The following ZNF311 variants were observed in gnomAD, a reference collection of about 807,000 sequenced individuals.
The protein encoded by ZNF311 is zinc finger protein 311.
ZNF311 carries 14 observed loss-of-function variants against 22.7 expected under a neutral mutation model. The observed-to-expected ratio is 0.62, with a 90% confidence interval of 0.41 to 0.96. The LOEUF (loss-of-function observed/expected upper bound fraction) is 0.96. Among genes scored for constraint, ZNF311 ranks in the 40% least tolerant of loss-of-function variants. ZNF311 has a pLI of 0.00. For missense variants in ZNF311, 731 were observed against 799.0 expected, an observed-to-expected ratio of 0.91 and a Z score of 1.03; for synonymous variants, 250 against 275.3, an observed-to-expected ratio of 0.91 and a Z score of 0.91.
chr6:29,003,454 G>T (rs1581702117), intron 3 of ZNF311, 59 bp downstream of exon 3: 1 of 1,533,830 alleles, frequency 6.5e-7, no homozygotes, highest in Non-Finnish European at 9.0e-7. Context: ...CACCCACTCT[G>T]TGTCCTTACT....
chr6:29,003,436 G>C, intron 3 of ZNF311, 77 bp downstream of exon 3: 1 of 1,389,980 alleles, frequency 7.2e-7, no homozygotes. Context: ...CCCCAGTGTG[G>C]CATTTTCCAC....
rs150967731 is a variant in ZNF311 at position 28,995,953 on chromosome 6, T to C, written c.1049A>G (p.Gln350Arg). Residue 350 changes from glutamine (Q) to arginine (R), a missense_variant, in exon 7 of 7, where the codon CAG becomes CGG. Gln to Arg is a conservative substitution (Grantham distance 43). Coordinates refer to ENST00000377179, the MANE Select transcript of ZNF311 (RefSeq NM_001382360.1). This position sits in a 1 kb window ranked among gnomAD's most constrained non-coding sequence, Gnocchi z 4.7. ...AGGCTTCTCCCCGGTGTGGATAAGC[T>C]GATGCATACAGAGACGGTTCCTGGT... ...FKTRNRLCMH[Q>R]LIHTGEKPYK... 1.2e-4 allele frequency: 191 copies of C among 1,613,774 alleles called. 1 individual carries two copies. The African/African-American group carries it at 2.2e-3, about 19-fold the overall frequency.
Position 29,005,068 on chromosome 6 carries a change from A to G in ZNF311, c.-321T>C, listed in dbSNP as rs1465448837. The G allele has an allele frequency of 6.6e-6, 1 of 152,112 alleles. No individual in the cohort carries two copies. The highest frequency in any genetic ancestry group is 1.5e-5 in the Non-Finnish European group (1 of 68,028). 9.4% of individuals were successfully genotyped at this position (152,112 alleles called of 1,614,324 possible). A position where few individuals can be genotyped will look rare whatever the true frequency, so the allele number is the denominator to read the frequency against. ...ACTTTATAATTTTCCAGTATGGTGC[A>G]TAAGTTACTTATTAATATATACATT... On this transcript the variant is annotated 5_prime_UTR_variant, in exon 1 of 7. An upstream start codon of the reference 5' UTR is lost. Coordinates refer to ENST00000377179, the MANE Select transcript of ZNF311 (RefSeq NM_001382360.1).
At chr6:29,003,693 C>T in intron 2 of ZNF311, 99 bp from the exon 3 acceptor site, 1 of 1,470,484 alleles carries the variant, frequency 6.8e-7, no homozygotes, top group Non-Finnish European at 9.5e-7. Flanking sequence ...CAGAAACTGT[C>T]TCCCAGAAAT....
At chr6:29,001,866 A>G (rs1032362786) in intron 3 of ZNF311, among the ~76,000 whole-genome samples, 4 of 152,232 alleles carry the variant, frequency 2.6e-5, no homozygotes, top group Admixed American at 2.6e-4. Context: ...ACAGTTTAAC[A>G]TGTATATCAT....
chr6:28,998,837 T>A lies in ZNF311; in HGVS notation c.312A>T (p.Gly104=), dbSNP rs756279021. ...TTAAAGGAGGTTTAGGAAATGGAAATCCTGGTTGCAGAGAAGAAATAAGTG... is the reference window on the plus strand; with the variant it reads ...TTAAAGGAGGTTTAGGAAATGGAAAACCTGGTTGCAGAGAAGAAATAAGTG... ...LENYGNMVSL[G]FPFPKPPLIS... Residue 104 remains glycine (G), a splice_region_variant and synonymous_variant, in exon 6 of 7, where the codon GGA becomes GGT. Transcript: ENST00000377179. The A allele has an allele frequency of 6.2e-7, 1 of 1,611,296 alleles. No individual in the cohort carries two copies. Among genetic ancestry groups the A allele is most frequent in the South Asian group, 1.1e-5 (1 of 91,006 alleles).
intron 3 of ZNF311, among the ~76,000 whole-genome samples, chr6:29,001,663 A>G (rs9257454): frequency 0.098 from 14,864 of 152,296 alleles, 786 homozygotes; most frequent in South Asian, 0.15. Context: ...ATTTTCAAGT[A>G]TATAGAAAAG....
intron 5 of ZNF311, 71 bp from the exon 6 acceptor site, chr6:28,998,909 C>T (rs903244142): frequency 2.9e-6 from 3 of 1,031,326 alleles, no homozygotes; most frequent in African/African-American, 3.2e-5. Flanking sequence ...GCTAAGCAGC[C>T]CTGATCCTTC....
At chr6:29,003,691 G>C (rs1180672398) in intron 2 of ZNF311, 97 bp from the exon 3 acceptor site, 1 of 1,472,144 alleles carries the variant, frequency 6.8e-7, no homozygotes. Flanking sequence ...CACAGAAACT[G>C]TCTCCCAGAA....
At chr6:29,005,505 G>T (rs1487738287), upstream of ZNF311, among the ~76,000 whole-genome samples, 2 of 151,996 alleles carry the variant, frequency 1.3e-5, no homozygotes, top group Non-Finnish European at 2.9e-5. Flanking sequence ...GGGGGCGACG[G>T]CGGCACCGGA....
Position 28,999,629 on chromosome 6 carries a change from C to T in ZNF311, c.184-16G>A. 1 of 1,604,950 alleles carries T rather than the reference C, an allele frequency of 6.2e-7. No homozygotes were observed. The highest frequency in any genetic ancestry group is 8.5e-7 in the Non-Finnish European group (1 of 1,177,688). ...TCACTGACTCCTGAAATAATATGCT[C>T]CTGCTATCCTGGAGAAAACGCCATA... is the stretch of plus-strand genomic sequence containing the variant. On this transcript the variant is annotated splice_polypyrimidine_tract_variant and intron_variant, in intron 4 of 6. Transcript: ENST00000377179.
At chr6:28,999,848 G>C in intron 4 of ZNF311, 108 bp downstream of exon 4, 1 of 1,303,698 alleles carries the variant, frequency 7.7e-7, no homozygotes, top group South Asian at 1.3e-5. Context: ...TTATGAGAGG[G>C]AGAACATTGA....
At chr6:29,000,302 G>A (rs1198220152) in intron 3 of ZNF311, among the ~76,000 whole-genome samples, 1 of 152,104 alleles carries the variant, frequency 6.6e-6, no homozygotes, top group East Asian at 1.9e-4. Context: ...GTTTTCCTGT[G>A]GTCTTTGTCC....
chr6:29,000,140 TGCAGC>T (rs1285300213), intron 3 of ZNF311, 93 bp from the exon 4 acceptor site: 8 of 1,205,274 alleles, frequency 6.6e-6, no homozygotes, highest in Non-Finnish European at 1.2e-6. Flanking sequence ...TAGAAGCTTC[TGCAGC>T]TCTAACCTAG....
intron 3 of ZNF311, 152 bp from the exon 4 acceptor site, chr6:29,000,199 T>C: frequency 1.4e-6 from 1 of 717,452 alleles, no homozygotes; most frequent in South Asian, 2.1e-5. Flanking sequence ...CTTCATTATT[T>C]TTCTAGTCTC....
upstream of ZNF311, chr6:29,005,342 C>T (rs912288573): frequency 6.7e-6 from 1 of 148,966 alleles, no homozygotes; most frequent in African/African-American, 2.5e-5. Context: ...AAATGGGTCA[C>T]GAGCCCCTGG....
chr6:29,004,442 C>CTTTTTTTTTT (rs9280531), intron 1 of ZNF311, among the ~76,000 whole-genome samples: 1,937 of 29,986 alleles, frequency 0.065, 162 homozygotes, highest in Non-Finnish European at 0.083. Flanking sequence ...TTCCTCCTTT[C>CTTTTTTTTTT]TTTTTTTTTT....
intron 1 of ZNF311, among the ~76,000 whole-genome samples, chr6:29,004,804 A>T (rs1278358146): frequency 6.6e-6 from 1 of 151,954 alleles, no homozygotes; most frequent in Non-Finnish European, 1.5e-5. Flanking sequence ...CCACTCCCTC[A>T]ATCTTCAGCC....
At position 29,004,041 on chromosome 6, in the gene ZNF311, A is replaced by G. The variant is rs914005976; in HGVS notation, c.-87T>C. 3.7e-6 allele frequency: 6 copies of G among 1,612,530 alleles called. No homozygotes were observed. Among genetic ancestry groups the G allele is most frequent in the Non-Finnish European group, 5.1e-6 (6 of 1,179,772 alleles). On this transcript the variant is annotated 5_prime_UTR_variant, in exon 2 of 7. Coordinates refer to ENST00000377179, the MANE Select transcript of ZNF311 (RefSeq NM_001382360.1). ...GATCCAGTTCTCAAACAAGCTGTGA[A>G]GTGGCTCCAGTTGATGCCAGCCTCC...
Sources: gnomAD v4.1 joint callset for allele counts (sites outside exome capture counted in the v4.1 genomes callset) on GRCh38, gnomAD v4.1.1 for gene constraint, Gnocchi (gnomAD v3.1) non-coding constraint, MANE v1.5 for transcripts, NCBI Gene and HGNC (gene_info 2026-07-23, HGNC 2026-07-21) for gene names.